Variants in MCTP2 observed in about 807,000 individuals in gnomAD.
MCTP2 encodes the protein multiple C2 and transmembrane domain containing 2, also known as multiple C2 and transmembrane domain-containing protein 2.
Under a neutral mutation model 111.6 loss-of-function variants are expected in MCTP2, and 132 were observed. That is an observed-to-expected ratio of 1.18 (90% CI 1.03 to 1.37). The LOEUF (loss-of-function observed/expected upper bound fraction) is 1.37, where lower values mean the gene tolerates loss of function less well. MCTP2 is among the 40% of genes most tolerant of loss of function. The pLI, the probability that MCTP2 is intolerant of heterozygous loss-of-function variation, is 0.00. For missense variants in MCTP2, 1,183 were observed against 1,067.9 expected, an observed-to-expected ratio of 1.11 and a Z score of -1.50; for synonymous variants, 395 against 387.7, an observed-to-expected ratio of 1.02 and a Z score of -0.22.
At chr15:94,261,861 T>C (rs1044370410) in intron 1 of MCTP2, among the ~76,000 whole-genome samples, 1 of 152,206 alleles carries the variant, frequency 6.6e-6, no homozygotes, top group Admixed American at 6.5e-5. Flanking sequence ...GTGTTTTTCA[T>C]TGTACATTGG....
rs2074229075 is a variant in MCTP2, at chr15:94,276,719, T to C, written c.-65-21482T>C. Among the ~76,000 whole-genome samples the C allele has an allele frequency of 3.3e-5, 4 of 120,888 alleles. No homozygotes were observed. In the South Asian group the frequency reaches 9.6e-4, roughly 29 times the overall value. 79.3% of individuals were successfully genotyped at this position (120,888 alleles called of 152,430 possible). A position where few individuals can be genotyped will look rare whatever the true frequency, so the allele number is the denominator to read the frequency against. ...AGATAGTTTAACATTAGAATATCAA[T>C]GTAATTTACTACATTAACAGATAAA... On this transcript the variant is annotated intron_variant, in intron 1 of 22. Transcript: ENST00000357742.
chr15:94,347,901 T>TACACAC (rs57419585), intron 8 of MCTP2, among the ~76,000 whole-genome samples: 22,589 of 149,436 alleles, frequency 0.15, 1,849 homozygotes, highest in African/African-American at 0.15. Flanking sequence ...CACACAGACA[T>TACACAC]ACACACACAC....
intron 20 of MCTP2, among the ~76,000 whole-genome samples, chr15:94,464,226 T>C (rs2085383346): frequency 2.2e-5 from 2 of 88,936 alleles, no homozygotes; most frequent in Non-Finnish European, 4.8e-5. Context: ...AAATATTATA[T>C]GTTTATATAT....
chr15:94,293,786 G>T (rs2075135388), intron 1 of MCTP2, among the ~76,000 whole-genome samples: 1 of 152,202 alleles, frequency 6.6e-6, no homozygotes, highest in Admixed American at 6.5e-5. Flanking sequence ...GTCTGTTAAA[G>T]TCTGGCAAAG....
intron 1 of MCTP2, among the ~76,000 whole-genome samples, chr15:94,244,194 A>ATATACACGTG (rs1318194862): frequency 1.4e-5 from 2 of 143,102 alleles, no homozygotes; most frequent in African/African-American, 5.3e-5. Context: ...GTATATGTTT[A>ATATACACGTG]TATACACGTG....
At position 94,315,592 on chromosome 15, in the gene MCTP2, A is replaced by G; in HGVS notation, c.592A>G (p.Ile198Val). Reference protein sequence around the residue: ...LPSPFAYLLTIHLKEGRNLVV... With the variant: ...LPSPFAYLLTVHLKEGRNLVV... ...CAGCCCTTTTGCGTACCTCCTCACC[A>G]TACACCTGAAGGAAGGCCGGAACCT... is the stretch of plus-strand genomic sequence containing the variant. Residue 198 changes from isoleucine (I) to valine (V), a missense_variant, in exon 4 of 23, where the codon ATA (isoleucine) becomes GTA (valine). Coordinates refer to ENST00000357742, the MANE Select transcript of MCTP2 (RefSeq NM_001385001.1). 6.2e-7 allele frequency: 1 copy of G among 1,614,126 alleles called. No homozygotes were observed. The highest frequency in any genetic ancestry group is 8.5e-7 in the Non-Finnish European group (1 of 1,180,004).
At chr15:94,468,297 G>C (rs1409936582) in intron 20 of MCTP2, among the ~76,000 whole-genome samples, 1 of 151,598 alleles carries the variant, frequency 6.6e-6, no homozygotes, top group East Asian at 1.9e-4. Context: ...CTGTGATATA[G>C]GTATTATTAT....
At chr15:94,475,825 G>T in intron 21 of MCTP2, among the ~76,000 whole-genome samples, 1 of 152,262 alleles carries the variant, frequency 6.6e-6, no homozygotes, top group Middle Eastern at 3.4e-3. Context: ...TAAACCAGGG[G>T]CAGAGCGTGT....
chr15:94,341,246 A>G, intron 7 of MCTP2: 3 of 307,664 alleles, frequency 9.8e-6, no homozygotes, highest in Non-Finnish European at 1.9e-5. Flanking sequence ...GGGAAGATAC[A>G]AATTTTAATG....
chr15:94,300,177 A>AT (rs2075534410), intron 2 of MCTP2, among the ~76,000 whole-genome samples: 1 of 152,040 alleles, frequency 6.6e-6, no homozygotes, highest in Non-Finnish European at 1.5e-5. Flanking sequence ...CTCAGAAGGA[A>AT]TTTTTTTGAA....
intron 4 of MCTP2, among the ~76,000 whole-genome samples, chr15:94,329,187 G>A (rs887250873): frequency 1.3e-5 from 2 of 152,120 alleles, no homozygotes; most frequent in African/African-American, 2.4e-5. Context: ...GAATTTGGGG[G>A]CTATTTTGTA....
intron 19 of MCTP2, among the ~76,000 whole-genome samples, chr15:94,454,601 GAA>G (rs112572523): frequency 0.25 from 36,216 of 146,964 alleles, 4,491 homozygotes; most frequent in Middle Eastern, 0.27. Context: ...CTCTTTTGTG[GAA>G]AAAAAAAAAA....
At chr15:94,392,612 A>C (rs988502603) in intron 14 of MCTP2, among the ~76,000 whole-genome samples, 7 of 152,090 alleles carry the variant, frequency 4.6e-5, no homozygotes, top group Non-Finnish European at 8.8e-5. Context: ...CAGGAGTTCG[A>C]GACCAGCCTG....
intron 1 of MCTP2, among the ~76,000 whole-genome samples, chr15:94,259,543 A>G (rs1288174067): frequency 6.6e-6 from 1 of 152,202 alleles, no homozygotes; most frequent in Non-Finnish European, 1.5e-5. Flanking sequence ...TGTTCTATGT[A>G]GTAGTTATAT....
At chr15:94,242,946 GATACACA>G (rs2152227728) in intron 1 of MCTP2, among the ~76,000 whole-genome samples, 1 of 86,198 alleles carries the variant, frequency 1.2e-5, no homozygotes, top group African/African-American at 4.1e-5. Flanking sequence ...TGTATATGTA[GATACACA>G]TATACACGTG....
At chr15:94,360,193 A>G (rs1419798761) in intron 10 of MCTP2, among the ~76,000 whole-genome samples, 1 of 152,110 alleles carries the variant, frequency 6.6e-6, no homozygotes, top group Non-Finnish European at 1.5e-5. Flanking sequence ...CCATCTGCAC[A>G]TCCCCAATTC....
chr15:94,246,766 A>G (rs1428050851), intron 1 of MCTP2, among the ~76,000 whole-genome samples: 1 of 152,240 alleles, frequency 6.6e-6, no homozygotes, highest in African/African-American at 2.4e-5. Context: ...AAGCTGTCAC[A>G]TGATAATGTC....
At chr15:94,318,271 AATTTTTTTTTTTTTTTT>A (rs1320769648) in intron 4 of MCTP2, among the ~76,000 whole-genome samples, 16 of 97,640 alleles carry the variant, frequency 1.6e-4, no homozygotes, top group Middle Eastern at 6.0e-3. Flanking sequence ...TCAAAAAAAA[AATTTTTTTTTTTTTTTT>A]TTTTTTTTTT....
Position 94,268,180 on chromosome 15 carries a change from C to CTTTTTTTTT in MCTP2, c.-65-30018_-65-30017insTTTTTTTTT, listed in dbSNP as rs371485797. Reference sequence around the variant, plus strand: ...CACGCCCGGCCCAAATTCATTCTTTCTTTCTTTTTTTTTTTTTTGAGACAG... The same window carrying CTTTTTTTTT: ...CACGCCCGGCCCAAATTCATTCTTTCTTTTTTTTTTTTCTTTTTTTTTTTTTTGAGACAG... On this transcript the variant is annotated intron_variant, in intron 1 of 22. Coordinates refer to ENST00000357742, the MANE Select transcript of MCTP2 (RefSeq NM_001385001.1). 3.0e-5 allele frequency among the ~76,000 whole-genome samples: 4 copies of CTTTTTTTTT among 134,386 alleles called. 1 individual carries two copies. The highest frequency in any genetic ancestry group is 6.3e-5 in the Non-Finnish European group (4 of 63,470). 88.2% of individuals were successfully genotyped at this position (134,386 alleles called of 152,430 possible). A position where few individuals can be genotyped will look rare whatever the true frequency, so the allele number is the denominator to read the frequency against.
Sources: allele counts gnomAD v4.1 joint callset (sites outside exome capture counted in the v4.1 genomes callset), GRCh38; gene constraint gnomAD v4.1.1; transcripts MANE v1.5; gene names NCBI Gene and HGNC (gene_info 2026-07-23, HGNC 2026-07-21).